GRHPR: variants seen among roughly 807,000 people sequenced by gnomAD.
GRHPR encodes the protein glyoxylate and hydroxypyruvate reductase, also known as glyoxylate reductase/hydroxypyruvate reductase.
In GRHPR, 35 loss-of-function variants were observed where a neutral mutation model predicts 36.8. The ratio of observed to expected loss-of-function variants is 0.95; its 90% CI spans 0.73 to 1.26. The LOEUF (loss-of-function observed/expected upper bound fraction) is 1.26, where lower values mean the gene tolerates loss of function less well. GRHPR is among the 50% of genes most tolerant of loss of function. The pLI, the probability that GRHPR is intolerant of heterozygous loss-of-function variation, is 0.00. For missense variants in GRHPR, 380 were observed against 435.0 expected (o/e 0.87, Z 1.12); for synonymous variants, 179 against 181.0 (o/e 0.99, Z 0.09).
intron 1 of GRHPR, among the ~76,000 whole-genome samples, chr9:37,423,120 G>A (rs1395860945): frequency 6.6e-6 from 1 of 151,800 alleles, no homozygotes; most frequent in Non-Finnish European, 1.5e-5. Flanking sequence ...GCCCTTGGAC[G>A]TTTGGCAGGG....
chr9:37,425,285 C>T (rs1046222376), intron 2 of GRHPR, among the ~76,000 whole-genome samples: 8 of 152,268 alleles, frequency 5.3e-5, no homozygotes, highest in South Asian at 2.1e-4. Context: ...TCCAGCAAGA[C>T]CCTGCCCCTT....
At chr9:37,431,144 G>A (rs1588760123) in intron 7 of GRHPR, 1 of 415,276 alleles carries the variant, frequency 2.4e-6, no homozygotes, top group Non-Finnish European at 5.0e-6. Context: ...CACTGGGCAT[G>A]TATGGAGGTC....
In GRHPR at chr9:37,424,844, G is replaced by A; in HGVS notation, c.84-1G>A. On this transcript the variant is annotated splice_acceptor_variant, in intron 1 of 8. Transcript: ENST00000318158. LOFTEE classifies it high-confidence loss of function. ...TCCTGAGGGCCTCCCTTTCCCCGCA[G>A]CTGTGAGGTGGAGCAGTGGGACTCG... The A allele has an allele frequency of 6.2e-7, 1 of 1,613,218 alleles. No individual in the cohort carries two copies. The highest frequency in any genetic ancestry group is 8.5e-7 in the Non-Finnish European group (1 of 1,179,900).
At chr9:37,430,291 C>T in intron 6 of GRHPR, 2 of 627,720 alleles carry the variant, frequency 3.2e-6, no homozygotes, top group Admixed American at 2.3e-5. Context: ...CGCCCCTGGG[C>T]ACTTTGGGCC....
At chr9:37,426,479 C>T in intron 3 of GRHPR, 59 bp from the exon 4 acceptor site, 1 of 1,053,654 alleles carries the variant, frequency 9.5e-7, no homozygotes, top group Non-Finnish European at 1.5e-6. Context: ...AATGTCCCAG[C>T]AGTAGACATT....
downstream of GRHPR, among the ~76,000 whole-genome samples, chr9:37,437,373 G>T (rs947745140): frequency 6.6e-6 from 1 of 152,042 alleles, no homozygotes. Flanking sequence ...TTATTGGAAC[G>T]TGTCCAAACC....
At chr9:37,433,639 G>C (rs1823487689) in intron 8 of GRHPR, among the ~76,000 whole-genome samples, 2 of 152,186 alleles carry the variant, frequency 1.3e-5, no homozygotes, top group Non-Finnish European at 2.9e-5. Context: ...GGTGGGGTCT[G>C]ACAGAGTGTG....
chr9:37,435,649 G>GGGAGGCT (rs1823604729), intron 8 of GRHPR, among the ~76,000 whole-genome samples: 1 of 151,828 alleles, frequency 6.6e-6, no homozygotes. Context: ...GCAGCCCTTT[G>GGGAGGCT]GGAGGCTAAG....
At chr9:37,431,062 C>T (rs1564301495) in intron 7 of GRHPR, 1 of 472,480 alleles carries the variant, frequency 2.1e-6, no homozygotes. Context: ...GAACCTTATG[C>T]TCCTGGGCGG....
downstream of GRHPR, among the ~76,000 whole-genome samples, chr9:37,437,633 T>C (rs1320161232): frequency 6.6e-6 from 1 of 151,990 alleles, no homozygotes; most frequent in Non-Finnish European, 1.5e-5. Context: ...CACCTACACA[T>C]ATTGTTCCCT....
chr9:37,431,817 TAGA>T (rs1261664017), intron 7 of GRHPR, 188 bp from the exon 8 acceptor site: 6 of 575,056 alleles, frequency 1.0e-5, no homozygotes, highest in South Asian at 4.0e-5. Flanking sequence ...GTCACACAGC[TAGA>T]AGGAGGCAGG....
At chr9:37,429,682 C>A in intron 5 of GRHPR, 50 bp from the exon 6 acceptor site, 1 of 1,199,316 alleles carries the variant, frequency 8.3e-7, no homozygotes, top group Non-Finnish European at 1.2e-6. Context: ...TGGGTGGTGT[C>A]CCTACCCTTT....
Position 37,430,586 on chromosome 9 carries a change from T to A in GRHPR, c.674T>A (p.Leu225His). 6.2e-7 allele frequency: 1 copy of A among 1,613,842 alleles called. No individual in the cohort carries two copies. Among genetic ancestry groups the A allele is most frequent in the Non-Finnish European group, 8.5e-7 (1 of 1,179,694 alleles). The change falls in exon 7 of 9, where the codon CTC (leucine) becomes CAC (histidine). Residue 225 changes from leucine to histidine, a missense_variant. Leu to His is a moderately conservative substitution (Grantham distance 99). Transcript: ENST00000318158. ...TCCTTAACACCTGCAACCGAGGGAC[T>A]CTGCAACAAGGACTTCTTCCAGAAG... ...ACSLTPATEG[L>H]CNKDFFQKMK... is the part of the protein sequence containing the mutation.
At chr9:37,429,445 TGA>T in intron 5 of GRHPR, 1 of 473,338 alleles carries the variant, frequency 2.1e-6, no homozygotes, top group Non-Finnish European at 3.9e-6. Context: ...AGGAAAAACC[TGA>T]GTGGCTTTCC....
intron 4 of GRHPR, chr9:37,427,838 CAA>C (rs1157647918): frequency 1.7e-3 from 147 of 86,452 alleles, no homozygotes; most frequent in Non-Finnish European, 2.5e-3. Context: ...ACCCTGTCTC[CAA>C]AAAAAAAAAA....
At chr9:37,430,437 A>C (rs748638957) in intron 6 of GRHPR, 74 bp from the exon 7 acceptor site, 60 of 1,301,714 alleles carry the variant, frequency 4.6e-5, no homozygotes, top group Admixed American at 1.2e-4. Context: ...GTCGGGAGCA[A>C]GGGGCTGGTC....
At position 37,422,816 on chromosome 9, in the gene GRHPR, G is replaced by T. The variant is rs2118849193; in HGVS notation, c.66G>T (p.Ala22=). 1.3e-6 allele frequency: 2 copies of T among 1,599,136 alleles called. No homozygotes were observed. Among genetic ancestry groups the T allele is most frequent in the Non-Finnish European group, 1.7e-6 (2 of 1,174,254 alleles). The change falls in exon 1 of 9, where the codon GCG becomes GCT. Residue 22 remains alanine (A), a synonymous_variant. Coordinates refer to ENST00000318158, the MANE Select transcript of GRHPR (RefSeq NM_012203.2). The stretch of plus-strand genomic sequence containing the variant: ...GGATACCCGCCGAGGGTAGGGTCGC[G>T]CTCGCCCGGGCGGCAGAGTAAGAGC... ...TRRIPAEGRV[A]LARAADCEVE...
At chr9:37,426,800 A>T in intron 4 of GRHPR, 146 bp downstream of exon 4, 1 of 615,708 alleles carries the variant, frequency 1.6e-6, no homozygotes, top group Non-Finnish European at 3.0e-6. Flanking sequence ...ATACAAAAAA[A>T]ATTAGCTGGG....
At chr9:37,428,072 G>A (rs554697616) in intron 4 of GRHPR, 48 of 326,764 alleles carry the variant, frequency 1.5e-4, no homozygotes, top group South Asian at 1.2e-3. Flanking sequence ...CTCTTGCCCA[G>A]GGCAGCAGGG....
Sources: allele counts gnomAD v4.1 joint callset (sites outside exome capture counted in the v4.1 genomes callset), GRCh38; gene constraint gnomAD v4.1.1; transcripts MANE v1.5; gene names NCBI Gene and HGNC (gene_info 2026-07-23, HGNC 2026-07-21).